OPA3: variants seen among roughly 807,000 people sequenced by gnomAD.
The protein encoded by OPA3 is outer mitochondrial membrane lipid metabolism regulator OPA3.
Under a neutral mutation model 4.0 loss-of-function variants are expected in OPA3, and 6 were observed. That is an observed-to-expected ratio of 1.51 (90% CI 0.83 to 2.99). OPA3 has a LOEUF of 2.99. Ranked by LOEUF, OPA3 falls within the 30% of genes most tolerant of loss-of-function variation. The pLI is 0.00. For missense variants in OPA3, 235 were observed against 256.2 expected (o/e 0.92, Z 0.56); for synonymous variants, 105 against 117.1 (o/e 0.90, Z 0.67).
At chr19:45,542,233 G>A (rs1307974882), downstream of OPA3, among the ~76,000 whole-genome samples, 1 of 150,916 alleles carries the variant, frequency 6.6e-6, no homozygotes, top group Non-Finnish European at 1.5e-5. Flanking sequence ...GAAGATGGCA[G>A]AGCTGCAACA....
chr19:45,541,185 T>C (rs1969181679), intron 1 of OPA3, among the ~76,000 whole-genome samples: 2 of 152,212 alleles, frequency 1.3e-5, no homozygotes, highest in Non-Finnish European at 2.9e-5. Context: ...CTCCTCATTA[T>C]GGGGCTTTTA....
exon 2 of OPA3, chr19:45,528,898 G>T: frequency 2.4e-6 from 2 of 843,878 alleles, no homozygotes; most frequent in Non-Finnish European, 3.7e-6. Context: ...TAGTAGGGAG[G>T]TTCGATCAGC....
intron 1 of OPA3, among the ~76,000 whole-genome samples, chr19:45,537,710 G>A (rs1969138157): frequency 6.6e-6 from 1 of 151,926 alleles, no homozygotes; most frequent in African/African-American, 2.4e-5. Context: ...TCGGCTCACT[G>A]CAACCTCTGC....
In OPA3 at chr19:45,548,461, A is replaced by G. The variant is rs1969282969; in HGVS notation, c.*5053T>C. ...TATAGTCCTGAGTCACTCCAGAGGG[A>G]GGATTCCGGATTCAGCCCAGCCCCT... On this transcript the variant is annotated 3_prime_UTR_variant, in exon 2 of 2. Coordinates refer to ENST00000263275, the MANE Select transcript of OPA3 (RefSeq NM_025136.4). The G allele has an allele frequency of 3.0e-6, 3 of 985,440 alleles. No individual in the cohort carries two copies. The highest frequency in any genetic ancestry group is 3.6e-6 in the Non-Finnish European group (3 of 829,946). The allele number at this position is 985,440 out of a possible 1,614,324, so 61.0% of individuals were successfully genotyped here. A position where few individuals can be genotyped will look rare whatever the true frequency, so the allele number is the denominator to read the frequency against.
chr19:45,577,398 G>T (rs1488300687), intron 1 of OPA3, among the ~76,000 whole-genome samples: 1 of 152,206 alleles, frequency 6.6e-6, no homozygotes, highest in Non-Finnish European at 1.5e-5. Context: ...CAATCACCAT[G>T]GCTGGGGGCC....
At chr19:45,561,556 G>C (rs183393286) in intron 1 of OPA3, among the ~76,000 whole-genome samples, 1 of 152,156 alleles carries the variant, frequency 6.6e-6, no homozygotes, top group African/African-American at 2.4e-5. Context: ...GCTAAATCCC[G>C]TGGAACCGGT....
chr19:45,530,927 C>CTTT (rs71173176), intron 1 of OPA3, among the ~76,000 whole-genome samples: 27 of 35,400 alleles, frequency 7.6e-4, no homozygotes, highest in South Asian at 3.9e-3. Context: ...ATGTCACCTA[C>CTTT]TTTTTTTTTT....
At chr19:45,540,210 G>A (rs903745780) in intron 1 of OPA3, among the ~76,000 whole-genome samples, 8 of 151,844 alleles carry the variant, frequency 5.3e-5, no homozygotes, top group Non-Finnish European at 1.2e-4. Flanking sequence ...CCAGCTACTC[G>A]GGAGGCTGAG....
At position 45,532,724 on chromosome 19, in the gene OPA3, C is replaced by T. The variant is rs558868284; in HGVS notation, c.143-3268G>A. Among the ~76,000 whole-genome samples the T allele has an allele frequency of 3.0e-4, 45 of 151,958 alleles. 1 individual carries two copies. Among genetic ancestry groups the T allele is most frequent in the Middle Eastern group, 3.4e-3 (1 of 294 alleles). The stretch of plus-strand genomic sequence containing the variant: ...CATACAGGGAAGTTTAGTGTCCATT[C>T]GGCTTTAAAATTATTTTATTTTATT... On this transcript the variant is annotated intron_variant, in intron 1 of 1. Transcript: ENST00000323060.
At chr19:45,577,166 C>T (rs1048565838) in intron 1 of OPA3, among the ~76,000 whole-genome samples, 15 of 152,332 alleles carry the variant, frequency 9.8e-5, no homozygotes, top group Middle Eastern at 3.4e-3. Flanking sequence ...AAGATCTTTG[C>T]CTCCCCAACA....
intron 1 of OPA3, among the ~76,000 whole-genome samples, chr19:45,571,335 C>T (rs932211241): frequency 5.9e-5 from 9 of 151,866 alleles, no homozygotes; most frequent in Non-Finnish European, 1.2e-4. Context: ...TTAGTAGAGA[C>T]GGGGTTTCTC....
chr19:45,577,222 C>T (rs1184636269), intron 1 of OPA3, among the ~76,000 whole-genome samples: 1 of 152,212 alleles, frequency 6.6e-6, no homozygotes, highest in Non-Finnish European at 1.5e-5. Flanking sequence ...ACTGTTCTTT[C>T]CTCAGGCAGC....
At chr19:45,570,960 G>A (rs1278532515) in intron 1 of OPA3, among the ~76,000 whole-genome samples, 2 of 115,052 alleles carry the variant, frequency 1.7e-5, no homozygotes, top group African/African-American at 6.7e-5. Flanking sequence ...AAATGTTTTC[G>A]GTGACAGCAA....
chr19:45,555,060 G>A (rs2122444405), intron 1 of OPA3, among the ~76,000 whole-genome samples: 1 of 152,318 alleles, frequency 6.6e-6, no homozygotes, highest in African/African-American at 2.4e-5. Flanking sequence ...AAACTGCTGG[G>A]ATTACAGCCA....
At chr19:45,569,096 C>A (rs951673813) in intron 1 of OPA3, among the ~76,000 whole-genome samples, 14 of 152,164 alleles carry the variant, frequency 9.2e-5, no homozygotes, top group Middle Eastern at 3.2e-3. Context: ...CCTCCCAGGC[C>A]TGGAGAGACC....
At chr19:45,538,742 G>T (rs755856200) in intron 1 of OPA3, among the ~76,000 whole-genome samples, 1 of 149,064 alleles carries the variant, frequency 6.7e-6, no homozygotes, top group Admixed American at 6.7e-5. Context: ...AAAAAGAAAA[G>T]ATGCTCAACA....
intron 1 of OPA3, among the ~76,000 whole-genome samples, chr19:45,564,214 T>G: frequency 6.6e-6 from 1 of 151,220 alleles, no homozygotes; most frequent in Non-Finnish European, 1.5e-5. Flanking sequence ...GGGGAGGGAA[T>G]CAATGCAAGC....
intron 1 of OPA3, among the ~76,000 whole-genome samples, chr19:45,564,955 G>A (rs1032991124): frequency 2.6e-5 from 4 of 152,174 alleles, no homozygotes; most frequent in Non-Finnish European, 5.9e-5. Flanking sequence ...GGCCGGGCGT[G>A]GTGGCTCACG....
chr19:45,532,859 G>A (rs1969074183), intron 1 of OPA3, among the ~76,000 whole-genome samples: 1 of 151,982 alleles, frequency 6.6e-6, no homozygotes, highest in African/African-American at 2.4e-5. Context: ...TTGCAGGCAT[G>A]AGCCACTGTG....
Sources: allele counts gnomAD v4.1 joint callset (sites outside exome capture counted in the v4.1 genomes callset), GRCh38; gene constraint gnomAD v4.1.1; transcripts MANE v1.5; gene names NCBI Gene and HGNC (gene_info 2026-07-23, HGNC 2026-07-21).